Variants in COL15A1 observed in about 807,000 individuals in gnomAD.
COL15A1 encodes the protein collagen alpha-1(XV) chain.
In COL15A1, 111 loss-of-function variants were observed where a neutral mutation model predicts 165.9. The observed-to-expected ratio is 0.67, with a 90% CI of 0.57 to 0.78. The LOEUF (loss-of-function observed/expected upper bound fraction) is 0.78. Ranked by LOEUF, COL15A1 falls within the 30% of genes least tolerant of loss-of-function variation. The pLI is 0.00. For synonymous variants in COL15A1, 659 were observed against 674.8 expected, an observed-to-expected ratio of 0.98 and a Z score of 0.36; for missense variants, 1,745 against 1,789.7, an observed-to-expected ratio of 0.98 and a Z score of 0.45.
Position 99,059,895 on chromosome 9 carries a change from C to T in COL15A1, c.3344C>T (p.Ala1115Val), listed in dbSNP as rs953801191. 3.1e-6 allele frequency: 5 copies of T among 1,613,852 alleles called. No homozygotes were observed. The highest frequency in any genetic ancestry group is 3.3e-5 in the Admixed American group (2 of 59,930). ...CTTTTCTGTTTTGTCTTAGCTGTGG[C>T]CCTTCCAGGTCCCCCTGGCCCTCCA... ...GPPAILGAAV[A>V]LPGPPGPPGQ... The change falls in exon 36 of 42, where the codon GCC becomes GTC. Residue 1115 changes from alanine (A) to valine (V), a missense_variant. Ala to Val is a moderately conservative substitution (Grantham distance 64). Coordinates refer to ENST00000375001, the MANE Select transcript of COL15A1 (RefSeq NM_001855.5).
intron 11 of COL15A1, among the ~76,000 whole-genome samples, chr9:99,018,710 T>G (rs1838976089): frequency 6.6e-6 from 1 of 152,184 alleles, no homozygotes; most frequent in Non-Finnish European, 1.5e-5. Flanking sequence ...TTAGAAATAT[T>G]TAATGATGGG....
chr9:98,978,126 G>A (rs545244644), intron 2 of COL15A1, among the ~76,000 whole-genome samples: 3 of 152,300 alleles, frequency 2.0e-5, no homozygotes, highest in African/African-American at 7.2e-5. Flanking sequence ...AAGTCTCCCT[G>A]AACATCAATT....
At chr9:99,004,676 T>C (rs890473428) in intron 8 of COL15A1, among the ~76,000 whole-genome samples, 1 of 152,136 alleles carries the variant, frequency 6.6e-6, no homozygotes, top group Non-Finnish European at 1.5e-5. Flanking sequence ...GAGTGGCTGG[T>C]GGCACACCAC....
chr9:99,005,367 C>A lies in COL15A1; in HGVS notation c.1353+317C>A, dbSNP rs577563330. On this transcript the variant is annotated intron_variant, in intron 9 of 41. Transcript: ENST00000375001. ...GGAGGAGTGGCGGGCTCCTGGAGGG[C>A]GATGGGGGATCAGGCAGCAGGCGGC... is the stretch of plus-strand genomic sequence containing the variant. Among the ~76,000 whole-genome samples, 92 of 152,084 alleles carry A rather than the reference C, an allele frequency of 6.0e-4. No individual in the cohort carries two copies. In the Middle Eastern group the frequency reaches 0.014, roughly 22 times the overall value.
intron 34 of COL15A1, 58 bp from the exon 35 acceptor site, chr9:99,056,202 T>C: frequency 6.6e-7 from 1 of 1,521,774 alleles, no homozygotes; most frequent in South Asian, 1.1e-5. Flanking sequence ...AAGGACTAGA[T>C]GGGACTTCGA....
intron 2 of COL15A1, among the ~76,000 whole-genome samples, chr9:98,975,142 T>G (rs1838122641): frequency 6.6e-6 from 1 of 152,206 alleles, no homozygotes; most frequent in Non-Finnish European, 1.5e-5. Flanking sequence ...CCCTCGCGCC[T>G]CCGTCCGGAC....
At chr9:99,049,554 T>C in intron 28 of COL15A1, 136 bp from the exon 29 acceptor site, 1 of 1,043,370 alleles carries the variant, frequency 9.6e-7, no homozygotes, top group East Asian at 2.6e-5. Context: ...GCTCTGTGGC[T>C]CCCTGAGCAA....
intron 35 of COL15A1, 140 bp downstream of exon 35, chr9:99,056,544 T>A: frequency 7.6e-7 from 1 of 1,310,760 alleles, no homozygotes; most frequent in Non-Finnish European, 1.0e-6. Context: ...TTTTTTTAAT[T>A]GAGATACAAT....
chr9:99,028,605 G>A (rs1053667380), intron 16 of COL15A1, among the ~76,000 whole-genome samples: 2 of 152,080 alleles, frequency 1.3e-5, no homozygotes, highest in South Asian at 2.1e-4. Flanking sequence ...AACCGAGATC[G>A]CGCCACTGCA....
At chr9:98,998,114 A>T (rs1838580103) in intron 6 of COL15A1, among the ~76,000 whole-genome samples, 1 of 152,228 alleles carries the variant, frequency 6.6e-6, no homozygotes, top group South Asian at 2.1e-4. Flanking sequence ...ATATCTATTT[A>T]CATATAGCTA....
intron 21 of COL15A1, 84 bp downstream of exon 21, chr9:99,036,480 T>A: frequency 6.9e-7 from 1 of 1,451,970 alleles, no homozygotes; most frequent in Non-Finnish European, 9.5e-7. Flanking sequence ...ACTTCAAAGC[T>A]TCTGGCTATG....
intron 2 of COL15A1, among the ~76,000 whole-genome samples, chr9:98,968,563 C>G (rs1264290727): frequency 2.6e-5 from 4 of 152,134 alleles, no homozygotes. Flanking sequence ...ATAAGAACAC[C>G]TGTCATTGGA....
At chr9:99,059,660 C>A (rs1825778060) in intron 35 of COL15A1, among the ~76,000 whole-genome samples, 1 of 152,228 alleles carries the variant, frequency 6.6e-6, no homozygotes, top group Non-Finnish European at 1.5e-5. Flanking sequence ...AAGCACTAGC[C>A]ATGGCTTCAT....
rs67961829 is a variant in COL15A1 at position 99,066,599 on chromosome 9, GTTTTTTTTT to G, written c.3652-266_3652-258del. 1.7e-4 allele frequency among the ~76,000 whole-genome samples: 12 copies of G among 71,082 alleles called. 1 individual carries two copies. Among genetic ancestry groups the G allele is most frequent in the South Asian group, 1.6e-3 (3 of 1,844 alleles). The allele number at this position is 71,082 out of a possible 152,430, so 46.6% of individuals were successfully genotyped here. ...TTTGGTCCAAGCAATATTTTGTTCT[GTTTTTTTTT>G]TTTTTTTTTTTTTTTTCACCTAAGG... is the stretch of plus-strand genomic sequence containing the variant. On this transcript the variant is annotated intron_variant, in intron 39 of 41. Transcript: ENST00000375001.
Position 99,023,260 on chromosome 9 carries a change from A to C in COL15A1, c.1762-97A>C, listed in dbSNP as rs1438392946. 2.1e-6 allele frequency: 3 copies of C among 1,434,330 alleles called. No individual in the cohort carries two copies. In the African/African-American group the frequency reaches 4.3e-5, roughly 20 times the overall value. The allele number at this position is 1,434,330 out of a possible 1,614,324, so 88.9% of individuals were successfully genotyped here. ...CAGAAGTTATCGGGCTATAGGATAT[A>C]GGAAACATTTCCCCATTTTGGAGAA... On this transcript the variant is annotated intron_variant, in intron 13 of 41. Transcript: ENST00000375001.
intron 2 of COL15A1, among the ~76,000 whole-genome samples, chr9:98,973,121 C>G (rs1487591781): frequency 6.6e-6 from 1 of 152,194 alleles, no homozygotes; most frequent in African/African-American, 2.4e-5. Context: ...TGCTTTTCAG[C>G]TGCTGGCCAG....
chr9:99,063,478 G>A (rs1033719444), intron 39 of COL15A1, among the ~76,000 whole-genome samples: 6 of 152,198 alleles, frequency 3.9e-5, no homozygotes, highest in East Asian at 3.8e-4. Flanking sequence ...AGGCAAAAGA[G>A]TAGAGTTCAA....
At chr9:99,029,697 G>A (rs1380559152) in intron 16 of COL15A1, among the ~76,000 whole-genome samples, 1 of 152,174 alleles carries the variant, frequency 6.6e-6, no homozygotes, top group Non-Finnish European at 1.5e-5. Context: ...GCCTAGGTGG[G>A]TGGATCACCT....
In COL15A1 at chr9:99,014,120, C is replaced by CA. The variant is rs539112694; in HGVS notation, c.1354-1290dup. 2.6e-5 allele frequency among the ~76,000 whole-genome samples: 4 copies of CA among 151,452 alleles called. No individual in the cohort carries two copies. In the East Asian group the frequency reaches 7.7e-4, roughly 29 times the overall value. On this transcript the variant is annotated intron_variant, in intron 9 of 41. Transcript: ENST00000375001. ...ATGGGAGAAAGATCAGAACAACAAC[C>CA]AAAAAAACCCTAACAACATGATTAC...
Sources: gnomAD v4.1 joint callset for allele counts (sites outside exome capture counted in the v4.1 genomes callset) on GRCh38, gnomAD v4.1.1 for gene constraint, MANE v1.5 for transcripts, NCBI Gene and HGNC (gene_info 2026-07-23, HGNC 2026-07-21) for gene names.